The following DISP1 variants were observed in gnomAD, a reference collection of about 807,000 sequenced individuals.
The protein encoded by DISP1 is protein dispatched homolog 1.
DISP1 carries 30 observed loss-of-function variants against 37.3 expected under a neutral mutation model. The ratio of observed to expected loss-of-function variants is 0.80; its 90% CI spans 0.60 to 1.09. The LOEUF (loss-of-function observed/expected upper bound fraction) is 1.09, where lower values mean the gene tolerates loss of function less well. Ranked by LOEUF, DISP1 falls within the 50% of genes least tolerant of loss-of-function variation. The pLI, the probability that DISP1 is intolerant of heterozygous loss-of-function variation, is 0.00. For missense variants in DISP1, 1,598 were observed against 1,879.5 expected, an observed-to-expected ratio of 0.85 and a Z score of 2.77; for synonymous variants, 634 against 690.2, an observed-to-expected ratio of 0.92 and a Z score of 1.28.
At chr1:222,892,339 C>T (rs1670987280) in intron 1 of DISP1, among the ~76,000 whole-genome samples, 1 of 152,156 alleles carries the variant, frequency 6.6e-6, no homozygotes, top group Non-Finnish European at 1.5e-5. Flanking sequence ...TGTGGCTTTG[C>T]CGTGTACTAG....
chr1:222,972,282 A>C (rs1393236780), intron 3 of DISP1, among the ~76,000 whole-genome samples: 1 of 152,094 alleles, frequency 6.6e-6, no homozygotes, highest in Non-Finnish European at 1.5e-5. Context: ...AGATTGTCAG[A>C]GGCTTTCTAA....
At chr1:222,894,102 C>T (rs1363923248) in intron 1 of DISP1, among the ~76,000 whole-genome samples, 4 of 152,150 alleles carry the variant, frequency 2.6e-5, no homozygotes, top group African/African-American at 7.2e-5. Context: ...TTATGGGTCT[C>T]ATAAGGCAGG....
At chr1:222,941,285 A>T (rs961398920) in intron 2 of DISP1, among the ~76,000 whole-genome samples, 1 of 152,218 alleles carries the variant, frequency 6.6e-6, no homozygotes, top group African/African-American at 2.4e-5. Flanking sequence ...CACTGGGAAC[A>T]TTGGAAAGTG....
intron 1 of DISP1, among the ~76,000 whole-genome samples, chr1:222,925,039 C>G (rs1046686581): frequency 2.0e-5 from 3 of 152,046 alleles, no homozygotes; most frequent in Admixed American, 1.3e-4. Context: ...TAGTACTTTT[C>G]TTTTCACTCT....
At chr1:222,951,535 C>A (rs1290694823) in intron 3 of DISP1, among the ~76,000 whole-genome samples, 1 of 71,162 alleles carries the variant, frequency 1.4e-5, no homozygotes, top group Non-Finnish European at 2.8e-5. Flanking sequence ...AGCCAGAAAT[C>A]ACTTTGAACA....
At chr1:222,984,433 T>TAG (rs1284776351) in intron 4 of DISP1, among the ~76,000 whole-genome samples, 17 of 99,526 alleles carry the variant, frequency 1.7e-4, no homozygotes, top group Non-Finnish European at 3.0e-4. Flanking sequence ...TATATATATA[T>TAG]ATAGAGAGAG....
rs1391040704 is a variant in DISP1 at position 222,853,824 on chromosome 1, A to T, written c.-159+38746A>T. ...ATAGGGGAATAAGGTCTAGTGTTCTATATCACTGCAAATGATTATAGTTAA... is the reference window on the plus strand; with the variant it reads ...ATAGGGGAATAAGGTCTAGTGTTCTTTATCACTGCAAATGATTATAGTTAA... On this transcript the variant is annotated intron_variant, in intron 1 of 8. Coordinates refer to ENST00000675850, the MANE Select transcript of DISP1 (RefSeq NM_001377229.1). 3.9e-5 allele frequency among the ~76,000 whole-genome samples: 6 copies of T among 152,326 alleles called. No individual in the cohort carries two copies. In the East Asian group the frequency reaches 1.2e-3, roughly 29 times the overall value.
chr1:222,991,604 T>C lies in DISP1; in HGVS notation c.748T>C (p.Leu250=). The change falls in exon 6 of 9, where the codon TTA becomes CTA. Residue 250 remains leucine, a synonymous_variant. Transcript: ENST00000675850. ...MVKNTGYKAT[L]ANYPFKYADE... ...GAAAAATACAGGATACAAAGCAACA[T>C]TAGCAAATTATCCCTTTAAATATGC... 6.2e-7 allele frequency: 1 copy of C among 1,613,738 alleles called. No homozygotes were observed. The highest frequency in any genetic ancestry group is 1.1e-5 in the South Asian group (1 of 91,078).
intron 3 of DISP1, among the ~76,000 whole-genome samples, chr1:222,979,147 G>A (rs573113279): frequency 4.6e-5 from 7 of 152,278 alleles, no homozygotes; most frequent in Non-Finnish European, 8.8e-5. Context: ...AGGGGCTCAC[G>A]CCTGTAATCC....
chr1:222,952,336 G>C (rs1260820654), intron 3 of DISP1, among the ~76,000 whole-genome samples: 4 of 152,194 alleles, frequency 2.6e-5, no homozygotes. Context: ...ATTGCAGAGA[G>C]TTTTATTGAA....
At chr1:222,841,825 A>T (rs1347161583) in intron 1 of DISP1, among the ~76,000 whole-genome samples, 3 of 152,156 alleles carry the variant, frequency 2.0e-5, no homozygotes, top group Non-Finnish European at 4.4e-5. Context: ...GTGATGGAAT[A>T]TGTATGTGTG....
At chr1:222,825,101 G>C (rs1663990513) in intron 1 of DISP1, among the ~76,000 whole-genome samples, 1 of 146,836 alleles carries the variant, frequency 6.8e-6, no homozygotes, top group East Asian at 2.2e-4. Context: ...GGTGGTTGCT[G>C]CCAGTTAACA....
At chr1:222,870,243 T>C (rs1383014011) in intron 1 of DISP1, among the ~76,000 whole-genome samples, 2 of 152,210 alleles carry the variant, frequency 1.3e-5, no homozygotes, top group Admixed American at 1.3e-4. Flanking sequence ...AGTGCCGCAA[T>C]AAACATACGT....
intron 1 of DISP1, among the ~76,000 whole-genome samples, chr1:222,844,249 AT>A (rs1290974529): frequency 2.6e-5 from 4 of 152,150 alleles, no homozygotes; most frequent in African/African-American, 4.8e-5. Flanking sequence ...GAATGGGGAA[AT>A]CAGGTTGAAG....
At chr1:222,957,975 T>C (rs573636767) in intron 3 of DISP1, among the ~76,000 whole-genome samples, 62 of 152,348 alleles carry the variant, frequency 4.1e-4, no homozygotes, top group African/African-American at 1.3e-3. Flanking sequence ...GCAGAGACCA[T>C]GTACATTATG....
intron 1 of DISP1, among the ~76,000 whole-genome samples, chr1:222,849,056 G>T (rs1263303750): frequency 3.3e-5 from 5 of 152,138 alleles, no homozygotes; most frequent in Non-Finnish European, 5.9e-5. Flanking sequence ...TAGTCCTCAA[G>T]AGTGAATGTG....
intron 3 of DISP1, among the ~76,000 whole-genome samples, chr1:222,963,651 G>A (rs553159728): frequency 1.3e-5 from 2 of 152,080 alleles, no homozygotes; most frequent in East Asian, 1.9e-4. Flanking sequence ...TATCTTCAGC[G>A]AACTAACACA....
At chr1:222,846,261 G>C (rs964781591) in intron 1 of DISP1, among the ~76,000 whole-genome samples, 2 of 152,222 alleles carry the variant, frequency 1.3e-5, no homozygotes, top group Non-Finnish European at 1.5e-5. Flanking sequence ...GGAGGCCAAG[G>C]CGGGCGGATC....
At chr1:222,997,488 T>C (rs1679157004) in intron 8 of DISP1, among the ~76,000 whole-genome samples, 1 of 152,100 alleles carries the variant, frequency 6.6e-6, no homozygotes, top group Non-Finnish European at 1.5e-5. Context: ...AGAGATACAA[T>C]ATTAAAGTTC....
Sources: gnomAD v4.1 joint callset for allele counts (sites outside exome capture counted in the v4.1 genomes callset) on GRCh38, gnomAD v4.1.1 for gene constraint, MANE v1.5 for transcripts, NCBI Gene and HGNC (gene_info 2026-07-23, HGNC 2026-07-21) for gene names.